The following CD164 variants were observed in gnomAD, a reference collection of about 807,000 sequenced individuals.
CD164 encodes the protein sialomucin core protein 24.
CD164 carries 11 observed loss-of-function variants against 24.6 expected under a neutral mutation model. The observed-to-expected ratio is 0.45, with a 90% CI of 0.28 to 0.74. CD164 has a LOEUF of 0.74. Among genes scored for constraint, CD164 ranks in the 30% least tolerant of loss-of-function variants. CD164 has a pLI of 0.13. For synonymous variants in CD164, 126 were observed against 100.3 expected (o/e 1.26, Z -1.53); for missense variants, 295 against 243.7 (o/e 1.21, Z -1.40).
intron 4 of CD164, among the ~76,000 whole-genome samples, chr6:109,374,795 C>T (rs1330408304): frequency 2.6e-5 from 4 of 152,162 alleles, no homozygotes; most frequent in Admixed American, 6.5e-5. Flanking sequence ...TGTGCTGACC[C>T]GCTGCTCCAC....
intron 1 of CD164, 110 bp downstream of exon 1, chr6:109,382,094 G>GGCAC: frequency 1.0e-6 from 1 of 991,892 alleles, no homozygotes. Flanking sequence ...CCCCGAGCGC[G>GGCAC]GCCCGCCCGC....
At position 109,377,859 on chromosome 6, in the gene CD164, T is replaced by C. The variant is rs926149812; in HGVS notation, c.331+41A>G. The C allele has an allele frequency of 2.7e-6, 4 of 1,460,670 alleles. No homozygotes were observed. The African/African-American group carries it at 5.6e-5, about 20-fold the overall frequency. 90.5% of individuals were successfully genotyped at this position (1,460,670 alleles called of 1,614,324 possible). On this transcript the variant is annotated intron_variant, in intron 3 of 5. Coordinates refer to ENST00000310786, the MANE Select transcript of CD164 (RefSeq NM_006016.6). ...TTCTGAGGCAATGATCTTCCTCACC[T>C]CTCTGCGGTCAGCTTCCAAGCAGCC...
chr6:109,370,002 T>C (rs1274990086), intron 5 of CD164, among the ~76,000 whole-genome samples: 1 of 152,210 alleles, frequency 6.6e-6, no homozygotes, highest in East Asian at 1.9e-4. Flanking sequence ...GCACATCTGG[T>C]AGTGATTCTG....
Position 109,382,297 on chromosome 6 carries a change from T to C in CD164, c.82A>G (p.Thr28Ala). The C allele has an allele frequency of 6.3e-7, 1 of 1,583,700 alleles. No individual in the cohort carries two copies. The highest frequency in any genetic ancestry group is 8.6e-7 in the Non-Finnish European group (1 of 1,168,060). ...LCVLSADKNT[T>A]QHPNVTTLAP... ...AAAGTCGTCACGTTCGGGTGCTGGG[T>C]CGTGTTCTTGTCCGCGGACAGCACG... Residue 28 changes from threonine to alanine, a missense_variant, in exon 1 of 6, where the codon ACC becomes GCC. Coordinates refer to ENST00000310786, the MANE Select transcript of CD164 (RefSeq NM_006016.6).
At chr6:109,372,556 A>G (rs1771139731) in intron 4 of CD164, 1 of 152,192 alleles carries the variant, frequency 6.6e-6, no homozygotes, top group Non-Finnish European at 1.5e-5. Flanking sequence ...ATTGTTGTAC[A>G]TACTTCCATC....
chr6:109,379,861 C>G (rs1369444569), intron 1 of CD164, 199 bp from the exon 2 acceptor site: 1 of 509,614 alleles, frequency 2.0e-6, no homozygotes, highest in African/African-American at 2.0e-5. Context: ...ATTAGAAAAA[C>G]AAGCTAGTGG....
At chr6:109,380,181 T>C (rs1302721182) in intron 1 of CD164, 1 of 152,414 alleles carries the variant, frequency 6.6e-6, no homozygotes, top group Non-Finnish European at 1.5e-5. Flanking sequence ...GATTCATAAA[T>C]GATCCACTCT....
intron 4 of CD164, chr6:109,375,871 T>C: frequency 1.9e-6 from 1 of 518,178 alleles, no homozygotes. Context: ...TCTGCTCACA[T>C]TCACCGACTA....
chr6:109,382,230 A>C lies in CD164; in HGVS notation c.149T>G (p.Leu50Arg), dbSNP rs1316187269. 7.0e-6 allele frequency: 11 copies of C among 1,579,354 alleles called. No homozygotes were observed. The highest frequency in any genetic ancestry group is 9.4e-6 in the Non-Finnish European group (11 of 1,167,038). The change falls in exon 1 of 6, where the codon CTC becomes CGC. Residue 50 changes from leucine to arginine, a missense_variant. Coordinates refer to ENST00000310786, the MANE Select transcript of CD164 (RefSeq NM_006016.6). ...SNVTSAPVTSLPLVTTPAPET... is the reference protein window; with the variant it reads ...SNVTSAPVTSRPLVTTPAPET... ...TGGTGCCGGAGTGGTGACCAGCGGG[A>C]GGGACGTCACCGGCGCCGAGGTTAC...
At chr6:109,373,898 G>A (rs973273735) in intron 4 of CD164, among the ~76,000 whole-genome samples, 2 of 152,150 alleles carry the variant, frequency 1.3e-5, no homozygotes, top group African/African-American at 2.4e-5. Context: ...AACATGGGCT[G>A]GGAAGAGCTA....
At chr6:109,379,830 T>A in intron 1 of CD164, 168 bp from the exon 2 acceptor site, 1 of 562,276 alleles carries the variant, frequency 1.8e-6, no homozygotes, top group Non-Finnish European at 3.1e-6. Context: ...TTCCAATCAT[T>A]ACAAAGCTGT....
At chr6:109,381,668 C>T in intron 1 of CD164, 3 of 687,398 alleles carry the variant, frequency 4.4e-6, no homozygotes, top group South Asian at 3.0e-5. Flanking sequence ...AAATCTCAAG[C>T]GACCTTCTCA....
chr6:109,382,012 G>A (rs916425961), intron 1 of CD164, 192 bp downstream of exon 1: 1 of 427,214 alleles, frequency 2.3e-6, no homozygotes, highest in African/African-American at 2.1e-5. Flanking sequence ...CTTCCCCCCA[G>A]CGCGCTCCCC....
chr6:109,370,573 T>TTTTTA (rs1771023639), intron 4 of CD164, 106 bp from the exon 5 acceptor site: 1 of 1,026,402 alleles, frequency 9.7e-7, no homozygotes, highest in Non-Finnish European at 1.4e-6. Context: ...TGCTTTCAAT[T>TTTTTA]TTTTAGAGAC....
At chr6:109,372,849 A>G (rs748169829) in intron 4 of CD164, 3 of 152,254 alleles carry the variant, frequency 2.0e-5, no homozygotes, top group Non-Finnish European at 4.4e-5. Flanking sequence ...CAAATTTGCA[A>G]TTTGGTTCTC....
intron 1 of CD164, 53 bp from the exon 2 acceptor site, chr6:109,379,715 A>G: frequency 7.5e-7 from 1 of 1,326,500 alleles, no homozygotes; most frequent in Non-Finnish European, 1.1e-6. Flanking sequence ...TTAGTATCTT[A>G]TTTGAATCTG....
At chr6:109,381,942 T>C in intron 1 of CD164, 1 of 389,276 alleles carries the variant, frequency 2.6e-6, no homozygotes, top group Admixed American at 4.5e-5. Context: ...AAAAGGCACC[T>C]CGACTTGCAA....
rs780903712 is a variant in CD164, at chr6:109,382,312, C to G, written c.67G>C (p.Ala23Pro). The change falls in exon 1 of 6, where the codon GCG becomes CCG. Residue 23 changes from alanine (A) to proline (P), a missense_variant. Coordinates refer to ENST00000310786, the MANE Select transcript of CD164 (RefSeq NM_006016.6). ...TCLGVLCVLSADKNTTQHPNV... is the reference protein window; with the variant it reads ...TCLGVLCVLSPDKNTTQHPNV... ...GGGTGCTGGGTCGTGTTCTTGTCCGCGGACAGCACGCAGAGCACGCCCAGG... is the reference window on the plus strand; with the variant it reads ...GGGTGCTGGGTCGTGTTCTTGTCCGGGGACAGCACGCAGAGCACGCCCAGG... The G allele has an allele frequency of 6.3e-7, 1 of 1,578,600 alleles. No homozygotes were observed. Among genetic ancestry groups the G allele is most frequent in the Non-Finnish European group, 8.6e-7 (1 of 1,165,976 alleles).
At position 109,382,200 on chromosome 6, in the gene CD164, C is replaced by G. The variant is rs1771800370; in HGVS notation, c.175+4G>C. The G allele has an allele frequency of 6.5e-7, 1 of 1,545,498 alleles. No individual in the cohort carries two copies. The highest frequency in any genetic ancestry group is 1.4e-5 in the African/African-American group (1 of 72,772). On this transcript the variant is annotated splice_donor_region_variant and intron_variant, in intron 1 of 5. Transcript: ENST00000310786. ...GGCGGGAAGCCCACAGGGCCCGCGC[C>G]CACCTGGTGCCGGAGTGGTGACCAG...
Sources: gnomAD v4.1 joint callset for allele counts (sites outside exome capture counted in the v4.1 genomes callset) on GRCh38, gnomAD v4.1.1 for gene constraint, MANE v1.5 for transcripts, NCBI Gene and HGNC (gene_info 2026-07-23, HGNC 2026-07-21) for gene names.